NRG3: variants seen among roughly 807,000 people sequenced by gnomAD.
NRG3 encodes the protein pro-neuregulin-3, membrane-bound isoform.
In NRG3, 31 loss-of-function variants were observed where a neutral mutation model predicts 66.9. The ratio of observed to expected loss-of-function variants is 0.46; its 90% CI spans 0.35 to 0.63. NRG3 has a LOEUF of 0.63. Ranked by LOEUF, NRG3 falls within the 20% of genes least tolerant of loss-of-function variation. The pLI is 0.00. For missense variants in NRG3, 910 were observed against 878.9 expected, an observed-to-expected ratio of 1.04 and a Z score of -0.45; for synonymous variants, 393 against 359.4, an observed-to-expected ratio of 1.09 and a Z score of -1.06.
At chr10:82,040,908 T>C (rs1365425156) in intron 1 of NRG3, among the ~76,000 whole-genome samples, 1 of 152,094 alleles carries the variant, frequency 6.6e-6, no homozygotes, top group East Asian at 1.9e-4. Flanking sequence ...AGTGGAAACA[T>C]AGGGAAACAT....
chr10:82,807,220 A>G (rs1591584297), intron 3 of NRG3, among the ~76,000 whole-genome samples: 1 of 152,350 alleles, frequency 6.6e-6, no homozygotes, highest in East Asian at 1.9e-4. Context: ...ATGTTATAAA[A>G]GTGAAATGAT....
chr10:82,427,762 T>G (rs1204862177), intron 2 of NRG3, among the ~76,000 whole-genome samples: 9 of 152,108 alleles, frequency 5.9e-5, no homozygotes, highest in African/African-American at 4.8e-5. Context: ...CTTTATTTTT[T>G]GGAAGATTTA....
chr10:82,280,651 C>A (rs1017623960), intron 1 of NRG3, among the ~76,000 whole-genome samples: 1 of 152,158 alleles, frequency 6.6e-6, no homozygotes, highest in Non-Finnish European at 1.5e-5. Context: ...CTCTCCTTGA[C>A]CTTTTCTCCG....
At chr10:82,256,905 C>A (rs949652404) in intron 1 of NRG3, among the ~76,000 whole-genome samples, 1 of 152,122 alleles carries the variant, frequency 6.6e-6, no homozygotes, top group African/African-American at 2.4e-5. Context: ...TTTCTACTCT[C>A]TAGGAAATGA....
At chr10:82,098,158 T>C (rs557033560) in intron 1 of NRG3, among the ~76,000 whole-genome samples, 1 of 151,378 alleles carries the variant, frequency 6.6e-6, no homozygotes, top group African/African-American at 2.4e-5. Context: ...ATGTCATGTA[T>C]GTATATGTCA....
chr10:82,738,768 G>A (rs2058277156), intron 3 of NRG3, 118 bp downstream of exon 3: 1 of 863,256 alleles, frequency 1.2e-6, no homozygotes, highest in Non-Finnish European at 1.9e-6. Context: ...AAGCTGCCAA[G>A]GACAGAAGCT....
At chr10:82,668,263 A>G (rs1356618715) in intron 2 of NRG3, among the ~76,000 whole-genome samples, 1 of 152,224 alleles carries the variant, frequency 6.6e-6, no homozygotes, top group African/African-American at 2.4e-5. Flanking sequence ...TATTTATGAT[A>G]CAGTTGGCTT....
intron 2 of NRG3, among the ~76,000 whole-genome samples, chr10:82,642,269 T>TG (rs1481151820): frequency 6.7e-6 from 1 of 149,552 alleles, no homozygotes; most frequent in East Asian, 1.9e-4. Flanking sequence ...TAGATGGAGT[T>TG]TTTTTTTTTA....
At chr10:81,898,774 T>A (rs1234363009) in intron 1 of NRG3, among the ~76,000 whole-genome samples, 3 of 152,162 alleles carry the variant, frequency 2.0e-5, no homozygotes, top group East Asian at 3.9e-4. Flanking sequence ...TTCTACTGTG[T>A]AGGCATTGTA....
chr10:82,088,963 G>A (rs1257776882), intron 1 of NRG3, among the ~76,000 whole-genome samples: 1 of 151,822 alleles, frequency 6.6e-6, no homozygotes, highest in African/African-American at 2.4e-5. Context: ...CTCCCTAGTG[G>A]GTGCTCAACT....
At chr10:82,167,022 G>A (rs1477838310) in intron 1 of NRG3, among the ~76,000 whole-genome samples, 1 of 151,660 alleles carries the variant, frequency 6.6e-6, no homozygotes. Context: ...CTGCCTGTTT[G>A]TAAGATTTTC....
Position 82,821,915 on chromosome 10 carries a change from G to A in NRG3, c.1028-43496G>A, listed in dbSNP as rs118163594. The stretch of plus-strand genomic sequence containing the variant: ...TTACTCTTCTGAATATGGTGGAAAG[G>A]TTGAATGGTACATTTCTCCCTCCTT... On this transcript the variant is annotated intron_variant, in intron 3 of 8. Transcript: ENST00000372141. 6.4e-4 allele frequency among the ~76,000 whole-genome samples: 98 copies of A among 152,214 alleles called. 1 individual carries two copies. In the East Asian group the frequency reaches 0.016, roughly 25 times the overall value.
chr10:82,046,141 C>G (rs184492635), intron 1 of NRG3, among the ~76,000 whole-genome samples: 5,350 of 147,604 alleles, frequency 0.036, 344 homozygotes, highest in African/African-American at 0.13. Context: ...GGCATTGAAT[C>G]TATAAATTAC....
intron 3 of NRG3, among the ~76,000 whole-genome samples, chr10:82,853,959 C>T (rs888307851): frequency 2.6e-5 from 4 of 151,998 alleles, no homozygotes; most frequent in Non-Finnish European, 5.9e-5. Flanking sequence ...TTTATGACTT[C>T]GAGGTATGTC....
chr10:82,328,277 TG>T (rs1564800389), intron 1 of NRG3, among the ~76,000 whole-genome samples: 1 of 152,216 alleles, frequency 6.6e-6, no homozygotes, highest in Non-Finnish European at 1.5e-5. Context: ...TTTGGATATT[TG>T]TTATGTGTGT....
chr10:82,237,632 C>T (rs550673440), intron 1 of NRG3, among the ~76,000 whole-genome samples: 6 of 152,064 alleles, frequency 3.9e-5, no homozygotes, highest in Admixed American at 3.3e-4. Context: ...ATCATTTGAT[C>T]AATCAACAAT....
chr10:82,133,639 G>A (rs971227028), intron 1 of NRG3, among the ~76,000 whole-genome samples: 3 of 151,908 alleles, frequency 2.0e-5, no homozygotes, highest in African/African-American at 4.8e-5. Context: ...TATGTACCAC[G>A]TTTTCTTTAT....
intron 1 of NRG3, among the ~76,000 whole-genome samples, chr10:82,122,651 A>T (rs1162921821): frequency 6.6e-6 from 1 of 152,148 alleles, no homozygotes; most frequent in Non-Finnish European, 1.5e-5. Context: ...TCTGCCCTGA[A>T]TACCTGTTAG....
At chr10:82,027,193 G>A (rs1286161783) in intron 1 of NRG3, among the ~76,000 whole-genome samples, 4 of 152,036 alleles carry the variant, frequency 2.6e-5, no homozygotes, top group South Asian at 2.1e-4. Context: ...CCAAAATACT[G>A]TCTCCTTATA....
Sources: allele counts gnomAD v4.1 joint callset (sites outside exome capture counted in the v4.1 genomes callset), GRCh38; gene constraint gnomAD v4.1.1; transcripts MANE v1.5; gene names NCBI Gene and HGNC (gene_info 2026-07-23, HGNC 2026-07-21).